ZNF793: variants seen among roughly 807,000 people sequenced by gnomAD.
The protein encoded by ZNF793 is zinc finger protein 793.
A neutral mutation model predicts 12.4 loss-of-function variants in ZNF793; 5 were observed. The observed-to-expected ratio is 0.40, with a 90% CI of 0.21 to 0.84. The LOEUF is 0.84. Among genes scored for constraint, ZNF793 ranks in the 40% least tolerant of loss-of-function variants. The pLI is 0.35. For missense variants in ZNF793, 456 were observed against 495.0 expected (o/e 0.92, Z 0.75); for synonymous variants, 162 against 172.4 (o/e 0.94, Z 0.47).
intron 6 of ZNF793, among the ~76,000 whole-genome samples, chr19:37,532,983 T>TA (rs1416547892): frequency 4.6e-5 from 7 of 152,326 alleles, no homozygotes; most frequent in African/African-American, 1.4e-4. Context: ...TTACTATTAG[T>TA]ACCACTTTTT....
chr19:37,528,338 G>C (rs557353765), intron 5 of ZNF793, among the ~76,000 whole-genome samples: 13 of 152,020 alleles, frequency 8.6e-5, no homozygotes, highest in African/African-American at 2.9e-4. Flanking sequence ...ACTTTTTATT[G>C]GTGGTTGATC....
chr19:37,532,600 C>A, intron 6 of ZNF793, 118 bp downstream of exon 6: 2 of 1,190,262 alleles, frequency 1.7e-6, no homozygotes, highest in South Asian at 3.4e-5. Flanking sequence ...CACCTGAGGT[C>A]AGGAGTTTGA....
At chr19:37,521,077 T>G (rs1290738193) in intron 3 of ZNF793, among the ~76,000 whole-genome samples, 1 of 150,938 alleles carries the variant, frequency 6.6e-6, no homozygotes, top group Non-Finnish European at 1.5e-5. Context: ...AAGCTCCACC[T>G]CCTGGGTTCA....
chr19:37,511,929 G>A lies in ZNF793; in HGVS notation c.-276+3526G>A, dbSNP rs543787148. ...GACTGACCATTGACTACAGAGACCT[G>A]AATGAAGTAGCGTGAAAAAGAGCCT... On this transcript the variant is annotated intron_variant, in intron 2 of 7. Coordinates refer to ENST00000627814, the MANE Select transcript of ZNF793 (RefSeq NM_001013659.3). Among the ~76,000 whole-genome samples the A allele has an allele frequency of 1.1e-4, 17 of 152,170 alleles. No homozygotes were observed. In the South Asian group the frequency reaches 3.5e-3, roughly 32 times the overall value.
At chr19:37,536,746 T>C in intron 7 of ZNF793, 151 bp from the exon 8 acceptor site, 1 of 764,814 alleles carries the variant, frequency 1.3e-6, no homozygotes, top group Non-Finnish European at 2.1e-6. Context: ...GTGTTCAGAA[T>C]CCTCTTTACT....
chr19:37,531,888 C>T (rs561167435), intron 5 of ZNF793, among the ~76,000 whole-genome samples: 1 of 152,270 alleles, frequency 6.6e-6, no homozygotes, highest in South Asian at 2.1e-4. Context: ...TGGTAGATAG[C>T]TTCCAATGTG....
At chr19:37,524,252 A>G (rs1402103599) in intron 5 of ZNF793, among the ~76,000 whole-genome samples, 2 of 151,846 alleles carry the variant, frequency 1.3e-5, no homozygotes, top group South Asian at 2.1e-4. Context: ...CAGTGGCAAG[A>G]TACTTAACAC....
intron 7 of ZNF793, chr19:37,534,014 T>A (rs2042483174): frequency 6.5e-6 from 1 of 153,962 alleles, no homozygotes. Context: ...CTTCTGGCGC[T>A]CTCTGGAGTG....
chr19:37,537,410 G>C lies in ZNF793; in HGVS notation c.752G>C (p.Gly251Ala). 1 of 1,613,082 alleles carries C rather than the reference G, an allele frequency of 6.2e-7. No individual in the cohort carries two copies. Residue 251 changes from glycine (G) to alanine (A), a missense_variant, in exon 8 of 8, where the codon GGG (glycine) becomes GCG (alanine). Physicochemically the swap from Gly to Ala is moderately conservative, Grantham distance 60 (BLOSUM62 0). Coordinates refer to ENST00000627814, the MANE Select transcript of ZNF793 (RefSeq NM_001013659.3). Reference sequence around the variant, plus strand: ...ATTAGGCATCAGAGAAGTCACACTGGGGAGAAGCCTTATGGCTGCACTGAC... The same window carrying C: ...ATTAGGCATCAGAGAAGTCACACTGCGGAGAAGCCTTATGGCTGCACTGAC... ...EFIRHQRSHT[G>A]EKPYGCTDCG...
At position 37,542,253 on chromosome 19, in the gene ZNF793, C is replaced by G. The variant is rs574168365; in HGVS notation, c.*4374C>G. On this transcript the variant is annotated 3_prime_UTR_variant, in exon 8 of 8. Coordinates refer to ENST00000627814, the MANE Select transcript of ZNF793 (RefSeq NM_001013659.3). Reference sequence around the variant, plus strand: ...ACTAAAAATACAAAAATTAGCTGGGCATGGTGGCAGGCACCTGTGATCCCA... The same window carrying G: ...ACTAAAAATACAAAAATTAGCTGGGGATGGTGGCAGGCACCTGTGATCCCA... The G allele has an allele frequency of 5.1e-6, 1 of 194,180 alleles. No homozygotes were observed. Among genetic ancestry groups the G allele is most frequent in the South Asian group, 8.4e-5 (1 of 11,836 alleles). The allele number at this position is 194,180 out of a possible 1,614,324, so 12.0% of individuals were successfully genotyped here.
chr19:37,533,465 T>C (rs2279149), intron 7 of ZNF793, 62 bp downstream of exon 7: 300,445 of 1,455,256 alleles, frequency 0.21, 38,669 homozygotes, highest in East Asian at 0.67. Flanking sequence ...GGAATTTTGT[T>C]CAGCATTCTT....
In ZNF793 at chr19:37,542,541, C is replaced by A; in HGVS notation, c.*4662C>A. ...TTATTGTAAAAATTGTTCTTAATGG[C>A]AAAAAAACCCCCAAAACCAAAGCAA... On this transcript the variant is annotated 3_prime_UTR_variant, in exon 8 of 8. Transcript: ENST00000627814. The A allele has an allele frequency of 2.9e-6, 1 of 341,174 alleles. No individual in the cohort carries two copies. Among genetic ancestry groups the A allele is most frequent in the Admixed American group, 3.6e-5 (1 of 28,058 alleles). The allele number at this position is 341,174 out of a possible 1,614,324, so 21.1% of individuals were successfully genotyped here.
At chr19:37,523,370 T>C in intron 4 of ZNF793, 40 bp from the exon 5 acceptor site, 1 of 1,502,732 alleles carries the variant, frequency 6.7e-7, no homozygotes, top group Non-Finnish European at 9.3e-7. Context: ...CTGTTCTCTG[T>C]TCTCTCTTTC....
At chr19:37,510,837 C>G (rs2042288985) in intron 2 of ZNF793, among the ~76,000 whole-genome samples, 1 of 151,780 alleles carries the variant, frequency 6.6e-6, no homozygotes, top group African/African-American at 2.4e-5. Context: ...GCTGGGACTA[C>G]AGGTGCCCAT....
chr19:37,529,300 G>A (rs139846509), intron 5 of ZNF793, among the ~76,000 whole-genome samples: 7 of 152,094 alleles, frequency 4.6e-5, no homozygotes, highest in East Asian at 1.9e-4. Context: ...TTTCTCTAAC[G>A]GTTACTGTCC....
chr19:37,529,720 T>G (rs889558208), intron 5 of ZNF793, among the ~76,000 whole-genome samples: 1 of 152,132 alleles, frequency 6.6e-6, no homozygotes, highest in African/African-American at 2.4e-5. Flanking sequence ...CTCGAACTCC[T>G]GACCTTAAGT....
chr19:37,540,284 A>AAG lies in ZNF793; in HGVS notation c.*2405_*2406insAG, dbSNP rs2042543741. 2 of 150,648 alleles carry AAG rather than the reference A, an allele frequency of 1.3e-5. No individual in the cohort carries two copies. Among genetic ancestry groups the AAG allele is most frequent in the Non-Finnish European group, 3.0e-5 (2 of 67,656 alleles). 9.3% of individuals were successfully genotyped at this position (150,648 alleles called of 1,614,324 possible). On this transcript the variant is annotated 3_prime_UTR_variant, in exon 8 of 8. Coordinates refer to ENST00000627814, the MANE Select transcript of ZNF793 (RefSeq NM_001013659.3). ...CTCCGTCAAAAAAAAAAAAAAAAAA[A>AAG]GAAAACTTCAGACCAGTCTTACTCA...
intron 4 of ZNF793, among the ~76,000 whole-genome samples, 152 bp downstream of exon 4, chr19:37,522,799 T>C (rs2042385726): frequency 6.6e-6 from 1 of 152,110 alleles, no homozygotes; most frequent in Non-Finnish European, 1.5e-5. Flanking sequence ...ATGTCTTATA[T>C]CTCATTACTG....
chr19:37,510,291 G>A (rs2042283032), intron 2 of ZNF793, among the ~76,000 whole-genome samples: 2 of 151,538 alleles, frequency 1.3e-5, no homozygotes, highest in Admixed American at 6.6e-5. Context: ...GACCACTTGA[G>A]GTCAGGAGTT....
Sources: allele counts gnomAD v4.1 joint callset (sites outside exome capture counted in the v4.1 genomes callset), GRCh38; gene constraint gnomAD v4.1.1; transcripts MANE v1.5; gene names NCBI Gene and HGNC (gene_info 2026-07-23, HGNC 2026-07-21).